Variants in RABGAP1L observed in about 807,000 individuals in gnomAD.
RABGAP1L encodes rab GTPase-activating protein 1-like.
A neutral mutation model predicts 137.7 loss-of-function variants in RABGAP1L; 63 were observed. That is an observed-to-expected ratio of 0.46 (90% CI 0.37 to 0.56). The LOEUF (loss-of-function observed/expected upper bound fraction) is 0.56. Ranked by LOEUF, RABGAP1L falls within the 20% of genes least tolerant of loss-of-function variation. The pLI, the probability that RABGAP1L is intolerant of heterozygous loss-of-function variation, is 0.00. For missense variants in RABGAP1L, 1,095 were observed against 1,244.0 expected, an observed-to-expected ratio of 0.88 and a Z score of 1.80; for synonymous variants, 431 against 433.7, an observed-to-expected ratio of 0.99 and a Z score of 0.08.
intron 14 of RABGAP1L, among the ~76,000 whole-genome samples, chr1:174,651,727 G>T (rs1443847274): frequency 6.6e-6 from 1 of 152,164 alleles, no homozygotes; most frequent in African/African-American, 2.4e-5. Flanking sequence ...GCCTATGTGT[G>T]TCTCTGCAGG....
chr1:174,488,973 T>C (rs1300699313), intron 13 of RABGAP1L, among the ~76,000 whole-genome samples: 2 of 132,004 alleles, frequency 1.5e-5, no homozygotes, highest in African/African-American at 5.8e-5. Flanking sequence ...TGTTGCCAAG[T>C]GTTCTCATTG....
At chr1:174,353,633 A>G (rs1380053694) in intron 11 of RABGAP1L, among the ~76,000 whole-genome samples, 4 of 152,202 alleles carry the variant, frequency 2.6e-5, no homozygotes, top group Non-Finnish European at 5.9e-5. Context: ...GGGCTGGTCT[A>G]AATGCTCCCT....
chr1:174,340,059 T>C (rs1399766294), intron 11 of RABGAP1L, among the ~76,000 whole-genome samples: 1 of 152,214 alleles, frequency 6.6e-6, no homozygotes, highest in Non-Finnish European at 1.5e-5. Context: ...GGTTTAGTTT[T>C]TCTTGGTGAC....
At chr1:174,570,986 C>T (rs1667934148) in intron 13 of RABGAP1L, among the ~76,000 whole-genome samples, 1 of 152,160 alleles carries the variant, frequency 6.6e-6, no homozygotes, top group Non-Finnish European at 1.5e-5. Flanking sequence ...TGTTGCAATA[C>T]TGTTTACAAT....
chr1:174,528,287 C>T (rs1166138509), intron 13 of RABGAP1L, among the ~76,000 whole-genome samples: 1 of 151,986 alleles, frequency 6.6e-6, no homozygotes, highest in African/African-American at 2.4e-5. Context: ...TTCTCCTCCT[C>T]ATTTGTGCTT....
intron 19 of RABGAP1L, among the ~76,000 whole-genome samples, chr1:174,861,974 T>G (rs1245264607): frequency 2.0e-5 from 3 of 152,226 alleles, no homozygotes; most frequent in Non-Finnish European, 2.9e-5. Flanking sequence ...TACGTGTTTA[T>G]TTTTGCTTTT....
intron 8 of RABGAP1L, among the ~76,000 whole-genome samples, chr1:174,274,747 C>T (rs766128575): frequency 3.3e-5 from 5 of 151,756 alleles, no homozygotes; most frequent in Non-Finnish European, 2.9e-5. Flanking sequence ...ATGGTCCCTG[C>T]GCTCAAGCTA....
chr1:174,621,974 C>T (rs1286231103), intron 13 of RABGAP1L, among the ~76,000 whole-genome samples: 2 of 151,922 alleles, frequency 1.3e-5, no homozygotes, highest in East Asian at 3.8e-4. Flanking sequence ...GGCTAATATC[C>T]AGAATCTACA....
chr1:174,956,062 A>T (rs892673051), intron 19 of RABGAP1L, among the ~76,000 whole-genome samples: 7 of 152,228 alleles, frequency 4.6e-5, no homozygotes, highest in South Asian at 2.1e-4. Flanking sequence ...TTTAAAAAAA[A>T]TTTTAAAAAT....
In RABGAP1L at chr1:174,351,893, C is replaced by T. The variant is rs1185228886; in HGVS notation, c.1466-19086C>T. ...CTCGGCTCACTGCAAGCTCCACCTCCCGGGTTCATGCCATTCTCTTGCCTC... is the reference window on the plus strand; with the variant it reads ...CTCGGCTCACTGCAAGCTCCACCTCTCGGGTTCATGCCATTCTCTTGCCTC... On this transcript the variant is annotated intron_variant, in intron 11 of 25. Transcript: ENST00000681986. Among the ~76,000 whole-genome samples, 13 of 152,266 alleles carry T rather than the reference C, an allele frequency of 8.5e-5. 1 individual carries two copies. In the East Asian group the frequency reaches 2.5e-3, roughly 29 times the overall value.
intron 10 of RABGAP1L, among the ~76,000 whole-genome samples, chr1:174,279,109 TATC>T (rs1328315303): frequency 6.6e-6 from 1 of 152,208 alleles, no homozygotes; most frequent in African/African-American, 2.4e-5. Flanking sequence ...TGCACAGAAA[TATC>T]ATATGCTTAT....
At chr1:174,653,658 C>T (rs183605667) in intron 14 of RABGAP1L, among the ~76,000 whole-genome samples, 27 of 152,324 alleles carry the variant, frequency 1.8e-4, no homozygotes, top group East Asian at 9.7e-4. Context: ...AGAAATCACC[C>T]GCCTTCTGCG....
chr1:174,319,936 C>T (rs543844191), intron 11 of RABGAP1L, among the ~76,000 whole-genome samples: 21 of 152,164 alleles, frequency 1.4e-4, no homozygotes, highest in African/African-American at 4.3e-4. Context: ...TAAAAATCTT[C>T]GATCACTATG....
intron 14 of RABGAP1L, among the ~76,000 whole-genome samples, chr1:174,668,186 T>G (rs1224776008): frequency 6.6e-6 from 1 of 152,228 alleles, no homozygotes; most frequent in African/African-American, 2.4e-5. Context: ...CATCATGCTG[T>G]ACAGTAGACC....
At chr1:174,162,497 A>G (rs1664551122) in intron 1 of RABGAP1L, among the ~76,000 whole-genome samples, 2 of 152,080 alleles carry the variant, frequency 1.3e-5, no homozygotes, top group South Asian at 4.2e-4. Flanking sequence ...AATTTCCTAT[A>G]TTGAAGGTGT....
intron 13 of RABGAP1L, chr1:174,548,254 T>C (rs1009336121): frequency 1.4e-6 from 2 of 1,393,318 alleles, no homozygotes; most frequent in African/African-American, 2.9e-5. Flanking sequence ...TCTAAGATTC[T>C]GTTTTTAAAC....
rs147147207 is a variant in RABGAP1L, at chr1:174,586,971, T to A, written c.1711-50404T>A. On this transcript the variant is annotated intron_variant, in intron 13 of 25. Coordinates refer to ENST00000681986, the MANE Select transcript of RABGAP1L (RefSeq NM_001366446.1). ...TGTCCATGTGTTCTCATTGTTCAAT[T>A]CCCACCTATGAGTGAGAATATGCGG... 7.2e-4 allele frequency among the ~76,000 whole-genome samples: 109 copies of A among 152,006 alleles called. 2 individuals carry two copies. In the East Asian group the frequency reaches 0.016, roughly 22 times the overall value.
chr1:174,683,503 C>G lies in RABGAP1L; in HGVS notation c.1825-19C>G. The G allele has an allele frequency of 6.4e-7, 1 of 1,561,084 alleles. No homozygotes were observed. Among genetic ancestry groups the G allele is most frequent in the Non-Finnish European group, 8.8e-7 (1 of 1,135,988 alleles). On this transcript the variant is annotated intron_variant, in intron 14 of 25. Transcript: ENST00000681986. ...CTGTGACTATTTACGATATTTCTTT[C>G]TTTTCATCTTTTCTCTAGGCCTACT...
chr1:174,615,913 T>G (rs1348306531), intron 13 of RABGAP1L, among the ~76,000 whole-genome samples: 1 of 152,120 alleles, frequency 6.6e-6, no homozygotes, highest in Non-Finnish European at 1.5e-5. Flanking sequence ...TGGTGCGCCG[T>G]TTTTTAAGCC....
Sources: allele counts gnomAD v4.1 joint callset (sites outside exome capture counted in the v4.1 genomes callset), GRCh38; gene constraint gnomAD v4.1.1; transcripts MANE v1.5; gene names NCBI Gene and HGNC (gene_info 2026-07-23, HGNC 2026-07-21).